The following TEX11 variants were observed in gnomAD, a reference collection of about 807,000 sequenced individuals.
TEX11 encodes the protein testis expressed 11, also known as testis-expressed protein 11.
Under a neutral mutation model 84.4 loss-of-function variants are expected in TEX11, and 7 were observed. The observed-to-expected ratio is 0.08, with a 90% confidence interval of 0.05 to 0.16. The LOEUF is 0.16. Among genes scored for constraint, TEX11 ranks in the 10% least tolerant of loss-of-function variants. The probability of loss-of-function intolerance (pLI) is 1.00; values close to 1 mark genes in which losing one functional copy is unlikely to be tolerated. For missense variants in TEX11, 551 were observed against 660.5 expected, an observed-to-expected ratio of 0.83 and a Z score of 1.82; for synonymous variants, 264 against 222.8, an observed-to-expected ratio of 1.18 and a Z score of -1.64.
chrX:70,609,309 G>T, intron 21 of TEX11, 132 bp from the exon 22 acceptor site: 1 of 401,892 alleles, frequency 2.5e-6, no homozygotes, highest in South Asian at 9.5e-5. Flanking sequence ...GTGTGTAGGG[G>T]TGCATACCAA....
intron 13 of TEX11, among the ~76,000 whole-genome samples, chrX:70,705,645 C>T (rs1220575250): frequency 6.3e-5 from 7 of 111,856 alleles, no homozygotes; most frequent in African/African-American, 2.3e-4. Flanking sequence ...AAAAAGTGGG[C>T]AAAGGATATG....
the TEX11 span, among the ~76,000 whole-genome samples, chrX:70,513,299 G>A: frequency 9.6e-6 from 1 of 104,128 alleles, no homozygotes; most frequent in Admixed American, 1.1e-4. Flanking sequence ...GTTGCAGTGA[G>A]CAGAGATTGT....
At chrX:70,832,117 T>TA (rs2091380135) in intron 8 of TEX11, among the ~76,000 whole-genome samples, 2 of 111,416 alleles carry the variant, frequency 1.8e-5, no homozygotes, top group African/African-American at 6.5e-5. Context: ...TAGGAAGCCA[T>TA]GAGTAGAACA....
intron 25 of TEX11, among the ~76,000 whole-genome samples, chrX:70,584,114 C>G (rs553756909): frequency 9.4e-6 from 1 of 105,937 alleles, no homozygotes; most frequent in Admixed American, 1.0e-4. Flanking sequence ...CCCGTCTCTA[C>G]TAAAAATACA....
chrX:70,902,924 T>C (rs1037805644), intron 2 of TEX11, among the ~76,000 whole-genome samples: 1 of 112,341 alleles, frequency 8.9e-6, no homozygotes, highest in Non-Finnish European at 1.9e-5. Context: ...TTCTATAAGC[T>C]TTTTTCTGTT....
chrX:70,748,042 A>G (rs2090780766), intron 9 of TEX11, among the ~76,000 whole-genome samples: 1 of 111,134 alleles, frequency 9.0e-6, no homozygotes, highest in African/African-American at 3.3e-5. Context: ...AATCTGAGGA[A>G]CAAACAGAAA....
At position 70,875,705 on chromosome X, in the gene TEX11, G is replaced by A. The variant is rs201180623; in HGVS notation, c.160-2398C>T. 4.5e-4 allele frequency among the ~76,000 whole-genome samples: 50 copies of A among 110,394 alleles called. No individual in the cohort carries two copies. In the East Asian group the frequency reaches 8.8e-3, roughly 19 times the overall value. ...GTGGAGGTTGCAGTGAGCCGAGATC[G>A]TGCCACTGCACTCCAGCCTGGGCGA... On this transcript the variant is annotated intron_variant, in intron 3 of 29. Transcript: ENST00000374333.
intron 9 of TEX11, among the ~76,000 whole-genome samples, chrX:70,765,602 C>T (rs978723840): frequency 1.4e-4 from 16 of 111,388 alleles, no homozygotes; most frequent in Non-Finnish European, 2.4e-4. Context: ...ATGATATAAA[C>T]CCTCAAAAAA....
intron 4 of TEX11, among the ~76,000 whole-genome samples, chrX:70,866,418 A>C (rs756831506): frequency 3.2e-4 from 35 of 110,341 alleles, no homozygotes; most frequent in African/African-American, 1.1e-3. Context: ...CCAAAAAAAA[A>C]AAAAAATCCC....
chrX:70,720,770 TA>T (rs1249005292), intron 13 of TEX11, among the ~76,000 whole-genome samples: 3 of 105,496 alleles, frequency 2.8e-5, no homozygotes, highest in East Asian at 2.9e-4. Context: ...TATACATATA[TA>T]TAATATATAT....
the TEX11 span, among the ~76,000 whole-genome samples, chrX:70,519,929 C>T: frequency 8.9e-5 from 10 of 111,835 alleles, no homozygotes; most frequent in Middle Eastern, 4.6e-3. Context: ...CTTGTGCATG[C>T]GTCACGTAGT....
rs780588980 is a variant in TEX11, at chrX:70,732,406, C to T, written c.844-7063G>A. ...TGATTGTATATCTAGAAAACCCCAT[C>T]GTCTCAGCCCAAAATCTCCTTAAGC... On this transcript the variant is annotated intron_variant, in intron 11 of 29. Coordinates refer to ENST00000374333, the MANE Select transcript of TEX11 (RefSeq NM_031276.3). Among the ~76,000 whole-genome samples, 569 of 111,532 alleles carry T rather than the reference C, an allele frequency of 5.1e-3. 4 individuals are homozygous for T. The highest frequency in any genetic ancestry group is 0.017 in the African/African-American group (528 of 30,706).
chrX:70,839,910 C>T (rs1356715183), intron 7 of TEX11, among the ~76,000 whole-genome samples: 2 of 110,143 alleles, frequency 1.8e-5, no homozygotes, highest in Non-Finnish European at 3.8e-5. Context: ...TGAAATGAAG[C>T]GAGAAGAGAA....
At chrX:70,858,646 T>A (rs191614471) in intron 5 of TEX11, among the ~76,000 whole-genome samples, 1 of 111,415 alleles carries the variant, frequency 9.0e-6, no homozygotes, top group Non-Finnish European at 1.9e-5. Context: ...TTAAAAAAAT[T>A]AAGCATTTAC....
At chrX:70,728,151 C>T (rs941313351) in intron 11 of TEX11, among the ~76,000 whole-genome samples, 28 of 112,764 alleles carry the variant, frequency 2.5e-4, no homozygotes, top group African/African-American at 9.0e-4. Context: ...TCAGCACCAT[C>T]TGGGAACTTG....
intron 25 of TEX11, among the ~76,000 whole-genome samples, chrX:70,569,774 C>G (rs2088561125): frequency 9.0e-6 from 1 of 110,909 alleles, no homozygotes; most frequent in Admixed American, 9.6e-5. Context: ...GAAGTTTTGT[C>G]TCAGAGGAGT....
At chrX:70,601,500 C>T (rs1340906983) in intron 24 of TEX11, among the ~76,000 whole-genome samples, 1 of 100,037 alleles carries the variant, frequency 1.0e-5, no homozygotes, top group African/African-American at 3.7e-5. Flanking sequence ...AAGAGGGAAT[C>T]CTCCCTAACT....
At chrX:70,512,725 G>A in the TEX11 span, among the ~76,000 whole-genome samples, 5 of 109,423 alleles carry the variant, frequency 4.6e-5, no homozygotes, top group Admixed American at 4.8e-4. Context: ...ATGAATGAAT[G>A]AATGAATGAA....
At chrX:70,614,333 AG>A (rs1484275911) in intron 20 of TEX11, among the ~76,000 whole-genome samples, 1 of 111,026 alleles carries the variant, frequency 9.0e-6, no homozygotes, top group African/African-American at 3.3e-5. Context: ...AGGTGAAATA[AG>A]GCCTGGCAGC....
Sources: gnomAD v4.1 joint callset for allele counts (sites outside exome capture counted in the v4.1 genomes callset) on GRCh38, gnomAD v4.1.1 for gene constraint, MANE v1.5 for transcripts, NCBI Gene and HGNC (gene_info 2026-07-23, HGNC 2026-07-21) for gene names.